TENM2: variants seen among roughly 807,000 people sequenced by gnomAD.
The protein encoded by TENM2 is teneurin transmembrane protein 2.
Under a neutral mutation model 245.2 loss-of-function variants are expected in TENM2, and 52 were observed. That is an observed-to-expected ratio of 0.21 (90% CI 0.17 to 0.27). The LOEUF (loss-of-function observed/expected upper bound fraction) is 0.27, where lower values mean the gene tolerates loss of function less well. Among genes scored for constraint, TENM2 ranks in the 10% least tolerant of loss-of-function variants. The pLI, the probability that TENM2 is intolerant of heterozygous loss-of-function variation, is 1.00. For synonymous variants in TENM2, 1,363 were observed against 1,438.9 expected (o/e 0.95, Z 1.19); for missense variants, 3,046 against 3,666.8 (o/e 0.83, Z 4.37).
intron 2 of TENM2, among the ~76,000 whole-genome samples, chr5:167,763,072 G>C (rs777177696): frequency 1.3e-5 from 2 of 152,142 alleles, no homozygotes; most frequent in Non-Finnish European, 2.9e-5. Flanking sequence ...CGGGACTGTG[G>C]CCCTAATGCA....
chr5:168,255,506 A>G (rs1453928409), intron 27 of TENM2, among the ~76,000 whole-genome samples: 1 of 152,058 alleles, frequency 6.6e-6, no homozygotes, highest in Non-Finnish European at 1.5e-5. Context: ...GGCTTTCACC[A>G]TATTGATCAA....
rs527990435 is a variant in TENM2 at position 168,081,242 on chromosome 5, T to C, written c.1516-9332T>C. 2.8e-3 allele frequency among the ~76,000 whole-genome samples: 419 copies of C among 152,318 alleles called. 1 individual carries two copies. The highest frequency in any genetic ancestry group is 6.8e-3 in the Middle Eastern group (2 of 294). ...GTTTAAAGTCTGTTTTATCAGAGAC[T>C]AGGATTGCAACCCCTGCTATTTTTT... is the stretch of plus-strand genomic sequence containing the variant. On this transcript the variant is annotated intron_variant, in intron 7 of 28. Transcript: ENST00000518659.
intron 3 of TENM2, among the ~76,000 whole-genome samples, chr5:167,897,890 GTTTTT>G (rs35680049): frequency 2.2e-5 from 2 of 89,290 alleles, no homozygotes. Context: ...GTAGTAAATT[GTTTTT>G]TTTTTTTTTT....
At chr5:167,477,961 G>A (rs2127524004) in intron 2 of TENM2, among the ~76,000 whole-genome samples, 1 of 152,326 alleles carries the variant, frequency 6.6e-6, no homozygotes, top group Non-Finnish European at 1.5e-5. Flanking sequence ...TTTTGAAGCT[G>A]AAGTTTAGTT....
At chr5:168,251,060 G>A (rs1767068582) in intron 27 of TENM2, among the ~76,000 whole-genome samples, 1 of 152,138 alleles carries the variant, frequency 6.6e-6, no homozygotes, top group South Asian at 2.1e-4. Context: ...CTGTGAATGG[G>A]GAGGTTGACT....
chr5:167,567,259 A>T (rs1773964427), intron 2 of TENM2, among the ~76,000 whole-genome samples: 1 of 152,142 alleles, frequency 6.6e-6, no homozygotes, highest in Non-Finnish European at 1.5e-5. Flanking sequence ...TTTTGGAAAA[A>T]ATATATAGGC....
chr5:167,959,171 G>T (rs1780793946), intron 4 of TENM2, among the ~76,000 whole-genome samples: 1 of 150,318 alleles, frequency 6.7e-6, no homozygotes, highest in Non-Finnish European at 1.5e-5. Context: ...TGGAGGCTTA[G>T]TTCATTCCTT....
At chr5:167,500,005 T>A (rs1297442957) in intron 2 of TENM2, among the ~76,000 whole-genome samples, 1 of 144,110 alleles carries the variant, frequency 6.9e-6, no homozygotes, top group African/African-American at 2.5e-5. Context: ...AGGGTGTATG[T>A]GTGTGTGTAT....
At chr5:167,749,852 T>C (rs1582907710) in intron 2 of TENM2, among the ~76,000 whole-genome samples, 1 of 152,106 alleles carries the variant, frequency 6.6e-6, no homozygotes. Context: ...ATAAACCATG[T>C]ATAGTTTATC....
At chr5:168,177,046 C>G (rs992697827) in intron 13 of TENM2, among the ~76,000 whole-genome samples, 5 of 152,194 alleles carry the variant, frequency 3.3e-5, no homozygotes, top group African/African-American at 1.2e-4. Context: ...CCTCATAATC[C>G]TCCTTTAAAA....
the TENM2 span, among the ~76,000 whole-genome samples, chr5:167,053,287 A>C: frequency 6.6e-6 from 1 of 152,208 alleles, no homozygotes; most frequent in African/African-American, 2.4e-5. Context: ...CATGGTATTA[A>C]CATGCATTAA....
chr5:167,649,478 A>G (rs1222610508), intron 2 of TENM2, among the ~76,000 whole-genome samples: 1 of 152,146 alleles, frequency 6.6e-6, no homozygotes, highest in Non-Finnish European at 1.5e-5. Flanking sequence ...TGACCATACC[A>G]CAGGGCTGAC....
chr5:167,709,284 A>G (rs761740575), intron 2 of TENM2, among the ~76,000 whole-genome samples: 13 of 152,060 alleles, frequency 8.5e-5, no homozygotes, highest in Non-Finnish European at 1.3e-4. Context: ...TAATTTTCTC[A>G]CCAGCACTTT....
chr5:168,054,788 CATGAGCA>C lies in TENM2; in HGVS notation c.1309+7242_1309+7248del, dbSNP rs574161459. On this transcript the variant is annotated intron_variant, in intron 6 of 28. Coordinates refer to ENST00000518659, the Ensembl canonical transcript of TENM2. ...GAAATAGGTAATAGTTTCACATTTA[CATGAGCA>C]ATCTTCCGTGGAGTTATAGAGTTGG... 2.4e-3 allele frequency among the ~76,000 whole-genome samples: 365 copies of C among 152,342 alleles called. 1 individual carries two copies. The highest frequency in any genetic ancestry group is 8.3e-3 in the African/African-American group (345 of 41,576).
chr5:167,043,206 C>T, the TENM2 span, among the ~76,000 whole-genome samples: 1 of 152,138 alleles, frequency 6.6e-6, no homozygotes, highest in East Asian at 1.9e-4. Context: ...GCACCTACTG[C>T]GTGGTAAGCC....
intron 2 of TENM2, among the ~76,000 whole-genome samples, chr5:167,634,672 T>C (rs113947680): frequency 1.1e-3 from 161 of 152,034 alleles, no homozygotes; most frequent in Non-Finnish European, 2.0e-3. Flanking sequence ...TTTTTTTTTT[T>C]AACCACGTAC....
intron 2 of TENM2, among the ~76,000 whole-genome samples, chr5:167,539,070 G>T (rs1772026810): frequency 6.6e-6 from 1 of 151,908 alleles, no homozygotes; most frequent in Non-Finnish European, 1.5e-5. Flanking sequence ...TCAAATTACT[G>T]TATCAATGCT....
chr5:167,872,556 A>AAGAAAGAAAG (rs1773066413), intron 2 of TENM2, among the ~76,000 whole-genome samples: 6 of 58,650 alleles, frequency 1.0e-4, no homozygotes, highest in Non-Finnish European at 2.5e-4. Context: ...AAGAGAAAGA[A>AAGAAAGAAAG]AGAAAGAAAG....
At chr5:167,230,041 T>C in the TENM2 span, among the ~76,000 whole-genome samples, 3 of 152,144 alleles carry the variant, frequency 2.0e-5, no homozygotes, top group African/African-American at 4.8e-5. Context: ...TTGCTTCTTG[T>C]GGCTCCTGCC....
Sources: gnomAD v4.1 joint callset for allele counts (sites outside exome capture counted in the v4.1 genomes callset) on GRCh38, gnomAD v4.1.1 for gene constraint, MANE v1.5 for transcripts, NCBI Gene and HGNC (gene_info 2026-07-23, HGNC 2026-07-21) for gene names.